Variants in SMARCC1 observed in about 807,000 individuals in gnomAD.
SMARCC1 encodes the protein SWI/SNF complex subunit SMARCC1.
In SMARCC1, 43 loss-of-function variants were observed where a neutral mutation model predicts 147.4. That is an observed-to-expected ratio of 0.29 (90% CI 0.23 to 0.38). The LOEUF (loss-of-function observed/expected upper bound fraction) is 0.38, where lower values mean the gene tolerates loss of function less well. Ranked by LOEUF, SMARCC1 falls within the 10% of genes least tolerant of loss-of-function variation. SMARCC1 has a pLI of 1.00. For synonymous variants in SMARCC1, 495 were observed against 484.4 expected (o/e 1.02, Z -0.29); for missense variants, 1,119 against 1,381.1 (o/e 0.81, Z 3.01).
chr3:47,597,694 C>T (rs2032313270), intron 26 of SMARCC1, among the ~76,000 whole-genome samples: 1 of 152,186 alleles, frequency 6.6e-6, no homozygotes. Flanking sequence ...AACTCCTAGG[C>T]TCAATGATCC....
intron 21 of SMARCC1, among the ~76,000 whole-genome samples, chr3:47,647,757 C>T (rs1235259923): frequency 6.6e-6 from 1 of 152,182 alleles, no homozygotes; most frequent in Non-Finnish European, 1.5e-5. Flanking sequence ...TGCAAGGTTC[C>T]ATAAAGCCAG....
rs552182137 is a variant in SMARCC1 at position 47,724,643 on chromosome 3, A to C, written c.647-3908T>G. ...TTATGTGTGGCCCAAAACAATTATT[A>C]TTCTTCCAATGTGGCCCAGGGAAGC... is the stretch of plus-strand genomic sequence containing the variant. On this transcript the variant is annotated intron_variant, in intron 6 of 27. Coordinates refer to ENST00000254480, the MANE Select transcript of SMARCC1 (RefSeq NM_003074.4). Among the ~76,000 whole-genome samples the C allele has an allele frequency of 2.1e-4, 32 of 152,332 alleles. 1 individual carries two copies. The South Asian group carries it at 3.1e-3, about 15-fold the overall frequency.
At chr3:47,639,215 T>C (rs1353119552) in intron 21 of SMARCC1, among the ~76,000 whole-genome samples, 2 of 152,200 alleles carry the variant, frequency 1.3e-5, no homozygotes, top group African/African-American at 2.4e-5. Context: ...CTGACAAGTA[T>C]GTATTTTGAC....
chr3:47,636,874 C>T (rs1007029356), intron 22 of SMARCC1, among the ~76,000 whole-genome samples: 2 of 146,500 alleles, frequency 1.4e-5, no homozygotes, highest in African/African-American at 5.1e-5. Flanking sequence ...GAATTAAGAG[C>T]ATTTAAATGT....
chr3:47,681,963 A>G (rs1013018314), intron 14 of SMARCC1, among the ~76,000 whole-genome samples: 2 of 152,214 alleles, frequency 1.3e-5, no homozygotes, highest in Admixed American at 1.3e-4. Context: ...AAAGATGATC[A>G]GGCAAATGAA....
At chr3:47,738,000 T>C in intron 4 of SMARCC1, 29 bp downstream of exon 4, 1 of 1,524,074 alleles carries the variant, frequency 6.6e-7, no homozygotes, top group South Asian at 1.2e-5. Context: ...AAAGGTAAAC[T>C]TTTTAAATAA....
Position 47,712,606 on chromosome 3 carries a change from G to A in SMARCC1, c.793-1798C>T, listed in dbSNP as rs562733258. ...CTCCTAAGCACAGTGAAATAATGCG[G>A]GTATTATACTCTCTGGCTTTCCAAA... On this transcript the variant is annotated intron_variant, in intron 8 of 27. Transcript: ENST00000254480. Among the ~76,000 whole-genome samples the A allele has an allele frequency of 2.0e-5, 3 of 152,038 alleles. No homozygotes were observed. The East Asian group carries it at 5.8e-4, about 29-fold the overall frequency.
chr3:47,629,686 A>G (rs2032861301), intron 24 of SMARCC1, among the ~76,000 whole-genome samples: 1 of 152,132 alleles, frequency 6.6e-6, no homozygotes, highest in Non-Finnish European at 1.5e-5. Flanking sequence ...GATGGTAGCC[A>G]TCTCAGCCGA....
intron 17 of SMARCC1, among the ~76,000 whole-genome samples, chr3:47,676,341 T>C (rs2033573058): frequency 6.6e-6 from 1 of 152,194 alleles, no homozygotes; most frequent in Non-Finnish European, 1.5e-5. Flanking sequence ...TATGAGTGTC[T>C]TTTTGATGAC....
intron 8 of SMARCC1, among the ~76,000 whole-genome samples, chr3:47,711,789 A>C (rs2034087201): frequency 6.6e-6 from 1 of 152,200 alleles, no homozygotes; most frequent in Non-Finnish European, 1.5e-5. Context: ...TCCCTTGAAA[A>C]CTATAGTTAC....
chr3:47,768,412 T>A (rs1223921564), intron 2 of SMARCC1, among the ~76,000 whole-genome samples: 3 of 152,158 alleles, frequency 2.0e-5, no homozygotes, highest in Non-Finnish European at 4.4e-5. Flanking sequence ...TTTTAAAATC[T>A]GGAACTAAAT....
At chr3:47,771,055 C>T (rs968163377) in intron 2 of SMARCC1, among the ~76,000 whole-genome samples, 2 of 152,124 alleles carry the variant, frequency 1.3e-5, no homozygotes, top group Non-Finnish European at 2.9e-5. Context: ...GGACCACAGG[C>T]ACCCGCCACC....
intron 24 of SMARCC1, among the ~76,000 whole-genome samples, chr3:47,627,479 T>C (rs9859947): frequency 0.015 from 2,328 of 152,148 alleles, 65 homozygotes; most frequent in African/African-American, 0.052. Context: ...AGAGGAAATA[T>C]GAAAAAGTGG....
intron 2 of SMARCC1, among the ~76,000 whole-genome samples, chr3:47,769,142 C>T (rs139806459): frequency 0.051 from 6,587 of 129,996 alleles, 481 homozygotes; most frequent in African/African-American, 0.17. Context: ...ACCCAGGAGG[C>T]GGAGGCTGCA....
intron 2 of SMARCC1, among the ~76,000 whole-genome samples, chr3:47,764,664 G>T (rs2034815149): frequency 6.6e-6 from 1 of 152,072 alleles, no homozygotes; most frequent in Non-Finnish European, 1.5e-5. Flanking sequence ...TATCTAACTG[G>T]TCATGCTACA....
chr3:47,681,498 GAACA>G (rs2033643582), intron 14 of SMARCC1, among the ~76,000 whole-genome samples: 1 of 152,078 alleles, frequency 6.6e-6, no homozygotes, highest in Non-Finnish European at 1.5e-5. Context: ...AGTAAAAAAA[GAACA>G]AACTGTATAT....
intron 19 of SMARCC1, among the ~76,000 whole-genome samples, chr3:47,669,695 T>TG (rs1003568346): frequency 1.3e-5 from 2 of 151,848 alleles, no homozygotes; most frequent in Non-Finnish European, 2.9e-5. Context: ...AAGATAAGGT[T>TG]GGGGGGAGAA....
Position 47,676,630 on chromosome 3 carries a change from T to C in SMARCC1, c.1724A>G (p.Gln575Arg). 2 of 1,613,384 alleles carry C rather than the reference T, an allele frequency of 1.2e-6. No homozygotes were observed. The highest frequency in any genetic ancestry group is 1.7e-6 in the Non-Finnish European group (2 of 1,179,458). Residue 575 changes from glutamine to arginine, a missense_variant and splice_region_variant, in exon 17 of 28, where the codon CAG (glutamine) becomes CGG (arginine). This residue lies in a region of SMARCC1 where 178 missense variants were observed against 264.6 expected (regional missense o/e 0.67). Transcript: ENST00000254480. ...GLVPLHLRSP[Q>R]VPAAQQMLNF... is the part of the protein sequence containing the mutation. The stretch of plus-strand genomic sequence containing the variant: ...GATGAAAAGTCAACATTAATTTACC[T>C]GAGGTGATCGAAGATGCAGAGGCAC...
chr3:47,741,244 G>A (rs1003544834), intron 3 of SMARCC1, among the ~76,000 whole-genome samples: 3 of 151,664 alleles, frequency 2.0e-5, no homozygotes, highest in East Asian at 1.9e-4. Context: ...TAACTTTTTC[G>A]AAGAGAGTTA....
Sources: allele counts gnomAD v4.1 joint callset (sites outside exome capture counted in the v4.1 genomes callset), GRCh38; gene constraint gnomAD v4.1.1; regional missense constraint gnomAD v4.1.1; transcripts MANE v1.5; gene names NCBI Gene and HGNC (gene_info 2026-07-23, HGNC 2026-07-21).